Variants in MAGI2 observed in about 807,000 individuals in gnomAD.
MAGI2 encodes membrane associated guanylate kinase, WW and PDZ domain containing 2.
In MAGI2, 35 loss-of-function variants were observed where a neutral mutation model predicts 133.3. The observed-to-expected ratio is 0.26, with a 90% CI of 0.20 to 0.35. The LOEUF (loss-of-function observed/expected upper bound fraction) is 0.35, where lower values mean the gene tolerates loss of function less well. Among genes scored for constraint, MAGI2 ranks in the 10% least tolerant of loss-of-function variants. The probability of loss-of-function intolerance (pLI) is 1.00; values close to 1 mark genes in which losing one functional copy is unlikely to be tolerated. For missense variants in MAGI2, 1,636 were observed against 1,863.4 expected (o/e 0.88, Z 2.25); for synonymous variants, 729 against 710.6 (o/e 1.03, Z -0.41).
chr7:78,718,355 G>A (rs1436891996), intron 2 of MAGI2, among the ~76,000 whole-genome samples: 2 of 152,130 alleles, frequency 1.3e-5, no homozygotes, highest in Admixed American at 6.5e-5. Context: ...CTGGGCCATG[G>A]ACTGGTACCA....
intron 2 of MAGI2, among the ~76,000 whole-genome samples, chr7:78,663,072 G>C (rs1033935855): frequency 2.0e-5 from 3 of 151,964 alleles, no homozygotes; most frequent in Non-Finnish European, 4.4e-5. Flanking sequence ...AATTTGAATG[G>C]AACTAAATTA....
chr7:78,694,404 C>T (rs1817283747), intron 2 of MAGI2, among the ~76,000 whole-genome samples: 2 of 152,100 alleles, frequency 1.3e-5, no homozygotes, highest in South Asian at 2.1e-4. Flanking sequence ...CTTCTGTCTC[C>T]CATTTGAAGT....
intron 1 of MAGI2, among the ~76,000 whole-genome samples, chr7:79,030,866 G>A (rs920681561): frequency 6.6e-6 from 1 of 152,132 alleles, no homozygotes; most frequent in African/African-American, 2.4e-5. Context: ...AGGACAATTT[G>A]TATGCAAATT....
chr7:79,177,283 T>A (rs1826185045), intron 1 of MAGI2: 1 of 150,292 alleles, frequency 6.7e-6, no homozygotes, highest in African/African-American at 2.5e-5. Context: ...TAAAACTTCG[T>A]GTTTAAAAAC....
At chr7:78,482,781 G>C (rs1385532543) in intron 6 of MAGI2, among the ~76,000 whole-genome samples, 4 of 151,448 alleles carry the variant, frequency 2.6e-5, no homozygotes, top group African/African-American at 7.3e-5. Flanking sequence ...GCTATGAAGG[G>C]GTAGCATAAG....
chr7:78,021,071 G>A (rs1475846106), intron 21 of MAGI2, among the ~76,000 whole-genome samples: 2 of 151,992 alleles, frequency 1.3e-5, no homozygotes, highest in Non-Finnish European at 2.9e-5. Flanking sequence ...AGCAACAGCT[G>A]GTCAGAGGCC....
At chr7:78,171,365 T>C (rs1332059559) in intron 14 of MAGI2, among the ~76,000 whole-genome samples, 1 of 152,186 alleles carries the variant, frequency 6.6e-6, no homozygotes, top group African/African-American at 2.4e-5. Context: ...TCTCAAACTT[T>C]TGGATGCATA....
chr7:78,356,231 G>A (rs1318260188), intron 7 of MAGI2, among the ~76,000 whole-genome samples: 1 of 152,154 alleles, frequency 6.6e-6, no homozygotes, highest in Non-Finnish European at 1.5e-5. Context: ...GAGGGAGAAT[G>A]GAGGTAGTCA....
Position 78,417,314 on chromosome 7 carries a change from A to AT in MAGI2, c.1046-48102_1046-48101insA, listed in dbSNP as rs201080232. Among the ~76,000 whole-genome samples, 723 of 151,880 alleles carry AT rather than the reference A, an allele frequency of 4.8e-3. 6 individuals are homozygous for AT. The highest frequency in any genetic ancestry group is 0.017 in the African/African-American group (685 of 41,450). On this transcript the variant is annotated intron_variant, in intron 6 of 21. Transcript: ENST00000354212. ...AATAAAACCATTTTCTAAAAAAAAAAAAATATTCATTGCCTCTGCTCTGAG... is the reference window on the plus strand; with the variant it reads ...AATAAAACCATTTTCTAAAAAAAAAATAAATATTCATTGCCTCTGCTCTGAG...
intron 1 of MAGI2, among the ~76,000 whole-genome samples, chr7:79,324,474 G>GTATA (rs577980882): frequency 2.5e-5 from 1 of 40,768 alleles, no homozygotes; most frequent in Non-Finnish European, 6.0e-5. Context: ...TACGTTGTGT[G>GTATA]TGTATATATA....
rs146501094 is a variant in MAGI2, at chr7:79,348,466, A to G, written c.301+104554T>C. 2.8e-4 allele frequency among the ~76,000 whole-genome samples: 42 copies of G among 152,054 alleles called. No homozygotes were observed. In the East Asian group the frequency reaches 6.9e-3, roughly 25 times the overall value. On this transcript the variant is annotated intron_variant, in intron 1 of 21. Transcript: ENST00000354212. ...TAGTTTGGATTTGTAAGTCAGCAAC[A>G]TGGTAGGACAAAGAATATAACTAGT... is the stretch of plus-strand genomic sequence containing the variant.
rs186368474 is a variant in MAGI2, at chr7:78,056,071, C to T, written c.3706+22876G>A. The stretch of plus-strand genomic sequence containing the variant: ...ACTGAAACTCTATATCCATTGAACT[C>T]ACCCTTTCCCTCCTCCCCAGCCCCT... On this transcript the variant is annotated intron_variant, in intron 21 of 21. Coordinates refer to ENST00000354212, the MANE Select transcript of MAGI2 (RefSeq NM_012301.4). 1.5e-3 allele frequency among the ~76,000 whole-genome samples: 228 copies of T among 152,244 alleles called. 1 individual carries two copies. Among genetic ancestry groups the T allele is most frequent in the African/African-American group, 5.4e-3 (225 of 41,540 alleles).
In MAGI2 at chr7:78,481,284, A is replaced by T. The variant is rs564880230; in HGVS notation, c.1045+8477T>A. ...ATAATCATGGCAGAAGGGGAAGCAG[A>T]CACATCTTACATGGCGACAGGTGAG... On this transcript the variant is annotated intron_variant, in intron 6 of 21. Transcript: ENST00000354212. Among the ~76,000 whole-genome samples, 4 of 152,066 alleles carry T rather than the reference A, an allele frequency of 2.6e-5. No individual in the cohort carries two copies. The East Asian group carries it at 7.8e-4, about 30-fold the overall frequency.
chr7:78,645,123 T>C (rs996974823), intron 2 of MAGI2, among the ~76,000 whole-genome samples: 12 of 152,144 alleles, frequency 7.9e-5, no homozygotes, highest in Non-Finnish European at 1.5e-4. Context: ...TGTGTGTGTG[T>C]GTGTGTGTAT....
intron 17 of MAGI2, chr7:78,134,372 G>C (rs1467178065): frequency 1.3e-5 from 2 of 152,252 alleles, no homozygotes; most frequent in Admixed American, 1.3e-4. Flanking sequence ...TCAGCAGCCA[G>C]AAACTAGTCA....
At chr7:78,580,875 GACAA>G (rs1226735059) in intron 3 of MAGI2, among the ~76,000 whole-genome samples, 2 of 152,082 alleles carry the variant, frequency 1.3e-5, no homozygotes, top group East Asian at 1.9e-4. Flanking sequence ...CTACTGAGTA[GACAA>G]ACAAACATCC....
At chr7:78,366,226 T>C (rs1396202898) in intron 7 of MAGI2, among the ~76,000 whole-genome samples, 1 of 152,198 alleles carries the variant, frequency 6.6e-6, no homozygotes, top group African/African-American at 2.4e-5. Context: ...ATTAACTAAA[T>C]ATTAATATTA....
chr7:79,005,475 G>A (rs1289704891), intron 2 of MAGI2, among the ~76,000 whole-genome samples: 1 of 152,112 alleles, frequency 6.6e-6, no homozygotes, highest in Non-Finnish European at 1.5e-5. Flanking sequence ...TCTAAAAGGA[G>A]ATGCTCTATT....
chr7:79,212,651 G>T (rs1267739333), intron 1 of MAGI2, among the ~76,000 whole-genome samples: 1 of 152,048 alleles, frequency 6.6e-6, no homozygotes. Flanking sequence ...AGGGCCACCT[G>T]TTCTGTTAGA....
Sources: gnomAD v4.1 joint callset for allele counts (sites outside exome capture counted in the v4.1 genomes callset) on GRCh38, gnomAD v4.1.1 for gene constraint, MANE v1.5 for transcripts, NCBI Gene and HGNC (gene_info 2026-07-23, HGNC 2026-07-21) for gene names.